The following DNAH3 variants were observed in gnomAD, a reference collection of about 807,000 sequenced individuals.
The protein encoded by DNAH3 is dynein axonemal heavy chain 3, also known as axonemal beta dynein heavy chain 3.
DNAH3 carries 332 observed loss-of-function variants against 432.5 expected under a neutral mutation model. The observed-to-expected ratio is 0.77, with a 90% CI of 0.70 to 0.84. DNAH3 has a LOEUF of 0.84. DNAH3 is among the 40% of genes least tolerant of loss of function. The probability of loss-of-function intolerance (pLI) is 0.00; values close to 1 mark genes in which losing one functional copy is unlikely to be tolerated. For synonymous variants in DNAH3, 1,956 were observed against 1,900.2 expected, an observed-to-expected ratio of 1.03 and a Z score of -0.76; for missense variants, 4,861 against 5,114.0, an observed-to-expected ratio of 0.95 and a Z score of 1.51.
At chr16:21,147,995 ACT>A (rs1209388173) in intron 1 of DNAH3, among the ~76,000 whole-genome samples, 1 of 151,822 alleles carries the variant, frequency 6.6e-6, no homozygotes, top group Admixed American at 6.6e-5. Context: ...GGCAATTTTG[ACT>A]CTCTGTGATT....
At chr16:21,060,195 T>C (rs1031804698) in intron 26 of DNAH3, 69 bp downstream of exon 26, 4 of 1,307,424 alleles carry the variant, frequency 3.1e-6, no homozygotes, top group Non-Finnish European at 3.3e-6. Flanking sequence ...TACTGACACA[T>C]GAACCTTCTC....
chr16:21,015,128 A>G (rs1024125509), intron 41 of DNAH3, among the ~76,000 whole-genome samples: 7 of 152,348 alleles, frequency 4.6e-5, no homozygotes, highest in African/African-American at 1.7e-4. Context: ...ATAAATGTTT[A>G]TAACTGCTTT....
chr16:20,954,195 C>T lies in DNAH3; in HGVS notation c.11071+618G>A, dbSNP rs930075557. ...CCAAGATCACAACACCACACTCCAG[C>T]GTGGGTGACAGAGTGAGACCCTATC... is the stretch of plus-strand genomic sequence containing the variant. On this transcript the variant is annotated intron_variant, in intron 55 of 61. Coordinates refer to ENST00000261383, the Ensembl canonical transcript of DNAH3. Among the ~76,000 whole-genome samples, 47 of 134,882 alleles carry T rather than the reference C, an allele frequency of 3.5e-4. 2 individuals carry two copies. The Admixed American group carries it at 3.7e-3, about 11-fold the overall frequency. 88.5% of individuals were successfully genotyped at this position (134,882 alleles called of 152,430 possible).
rs555983378 is a variant in DNAH3 at position 20,966,014 on chromosome 16, A to ATTTTTTTTTTTTT, written c.8459-602_8459-590dup. ...AGGCCTGAGCCACCATGCCCAGCCAATTTTTTTTTTTTTTTTTTTTTTTTT... is the reference window on the plus strand; with the variant it reads ...AGGCCTGAGCCACCATGCCCAGCCAATTTTTTTTTTTTTTTTTTTTTTTTTTTTTTTTTTTTTT... On this transcript the variant is annotated intron_variant, in intron 52 of 61. Transcript: ENST00000261383. 2.3e-4 allele frequency among the ~76,000 whole-genome samples: 11 copies of ATTTTTTTTTTTTT among 48,390 alleles called. 1 individual carries two copies. Among genetic ancestry groups the ATTTTTTTTTTTTT allele is most frequent in the East Asian group, 4.6e-4 (1 of 2,196 alleles). The allele number at this position is 48,390 out of a possible 152,430, so 31.7% of individuals were successfully genotyped here. A position where few individuals can be genotyped will look rare whatever the true frequency, so the allele number is the denominator to read the frequency against.
Position 21,134,232 on chromosome 16 carries a change from T to TG in DNAH3, c.1082+26dup, listed in dbSNP as rs1442351314. ...ACGTGGATGTGGTCAAGAAAGGGAA[T>TG]GAAAAAAAAAGGGAGGGACTTCTTA... On this transcript the variant is annotated intron_variant, in intron 7 of 61. Coordinates refer to ENST00000261383, the Ensembl canonical transcript of DNAH3. 1.5e-5 allele frequency: 24 copies of TG among 1,592,534 alleles called. No homozygotes were observed. In the Admixed American group the frequency reaches 3.3e-4, roughly 22 times the overall value.
intron 41 of DNAH3, among the ~76,000 whole-genome samples, chr16:21,010,868 A>G (rs1008147576): frequency 6.7e-6 from 1 of 149,576 alleles, no homozygotes; most frequent in Non-Finnish European, 1.5e-5. Context: ...GGCATGAACC[A>G]CCACGCCCGG....
intron 57 of DNAH3, 71 bp downstream of exon 57, chr16:20,948,412 A>T (rs947151791): frequency 1.3e-6 from 2 of 1,500,306 alleles, no homozygotes; most frequent in Admixed American, 2.0e-5. Context: ...GCTACACTGC[A>T]GCCCTGTAGC....
chr16:21,106,403 T>C (rs1478300551), intron 15 of DNAH3, 87 bp downstream of exon 15: 1 of 1,086,544 alleles, frequency 9.2e-7, no homozygotes, highest in East Asian at 2.7e-5. Flanking sequence ...TATAAATACA[T>C]ATAGACTATT....
At chr16:21,046,067 C>T (rs1416546834) in intron 31 of DNAH3, among the ~76,000 whole-genome samples, 1 of 151,122 alleles carries the variant, frequency 6.6e-6, no homozygotes, top group African/African-American at 2.4e-5. Context: ...TGTTCTTTTA[C>T]ATTTGCTGAG....
At chr16:21,005,260 T>A (rs2087231690) in intron 41 of DNAH3, among the ~76,000 whole-genome samples, 1 of 148,814 alleles carries the variant, frequency 6.7e-6, no homozygotes, top group Non-Finnish European at 1.5e-5. Context: ...CTTCCTTCCT[T>A]CCCTCCCTTC....
At chr16:20,970,842 A>ATT (rs533261109) in intron 51 of DNAH3, among the ~76,000 whole-genome samples, 2 of 142,236 alleles carry the variant, frequency 1.4e-5, no homozygotes, top group South Asian at 4.6e-4. Context: ...CCCAGTATGG[A>ATT]TTTCTTTTCT....
chr16:21,064,741 T>A (rs1267767846), intron 24 of DNAH3, among the ~76,000 whole-genome samples: 1 of 152,224 alleles, frequency 6.6e-6, no homozygotes, highest in Non-Finnish European at 1.5e-5. Flanking sequence ...AATCTTTTTT[T>A]AGCAATCTGT....
exon 31 of DNAH3, chr16:21,049,657 C>G: frequency 6.2e-7 from 1 of 1,614,184 alleles, no homozygotes; most frequent in Non-Finnish European, 8.5e-7. Flanking sequence ...GTAATCCAAA[C>G]CATCGGAGCA....
At chr16:21,033,761 T>C (rs1291164843) in intron 36 of DNAH3, among the ~76,000 whole-genome samples, 2 of 152,226 alleles carry the variant, frequency 1.3e-5, no homozygotes, top group South Asian at 2.1e-4. Context: ...CAGGCCTTAA[T>C]GATATGCACA....
At chr16:21,121,873 C>T in intron 10 of DNAH3, 72 bp downstream of exon 11, 3 of 1,388,834 alleles carry the variant, frequency 2.2e-6, no homozygotes, top group Non-Finnish European at 3.0e-6. Context: ...CTGACTTGTA[C>T]AACCTCTTTC....
intron 20 of DNAH3, among the ~76,000 whole-genome samples, chr16:21,081,162 G>A (rs1181537436): frequency 2.6e-5 from 4 of 151,954 alleles, no homozygotes; most frequent in Non-Finnish European, 5.9e-5. Flanking sequence ...CAAGTGGTCC[G>A]CCTGCCTCGG....
chr16:21,087,159 G>T, intron 18 of DNAH3, 99 bp from the exon 19 acceptor site: 1 of 1,016,400 alleles, frequency 9.8e-7, no homozygotes, highest in South Asian at 1.4e-5. Context: ...CCTGTCGTTT[G>T]GAGATTGGAA....
At chr16:20,939,463 T>G (rs1372983996) in intron 59 of DNAH3, among the ~76,000 whole-genome samples, 1 of 151,982 alleles carries the variant, frequency 6.6e-6, no homozygotes, top group African/African-American at 2.4e-5. Flanking sequence ...AGTACAGAAA[T>G]TAGCTGGGCG....
intron 24 of DNAH3, among the ~76,000 whole-genome samples, chr16:21,065,192 G>T (rs1399242249): frequency 6.6e-6 from 1 of 151,764 alleles, no homozygotes; most frequent in Non-Finnish European, 1.5e-5. Flanking sequence ...AGAGAGTCTC[G>T]CTCTGTCACC....
Sources: allele counts gnomAD v4.1 joint callset (sites outside exome capture counted in the v4.1 genomes callset), GRCh38; gene constraint gnomAD v4.1.1; transcripts MANE v1.5; gene names NCBI Gene and HGNC (gene_info 2026-07-23, HGNC 2026-07-21).